Variants in NCAM2 observed in about 807,000 individuals in gnomAD.
NCAM2 encodes the protein N-CAM-2.
A neutral mutation model predicts 98.1 loss-of-function variants in NCAM2; 30 were observed. The observed-to-expected ratio is 0.31, with a 90% CI of 0.23 to 0.41. The LOEUF is 0.41. Ranked by LOEUF, NCAM2 falls within the 10% of genes least tolerant of loss-of-function variation. The pLI, the probability that NCAM2 is intolerant of heterozygous loss-of-function variation, is 1.00. For missense variants in NCAM2, 867 were observed against 1,005.8 expected (o/e 0.86, Z 1.87); for synonymous variants, 368 against 342.4 (o/e 1.07, Z -0.83).
At chr21:21,520,101 A>T (rs1185237882) in intron 16 of NCAM2, among the ~76,000 whole-genome samples, 5 of 152,114 alleles carry the variant, frequency 3.3e-5, no homozygotes, top group Non-Finnish European at 7.4e-5. Flanking sequence ...TAATCAAATT[A>T]TCTTTTTACT....
intron 1 of NCAM2, among the ~76,000 whole-genome samples, chr21:21,089,256 A>C (rs1680953817): frequency 6.6e-6 from 1 of 152,178 alleles, no homozygotes; most frequent in Non-Finnish European, 1.5e-5. Flanking sequence ...CTAGTAAATA[A>C]AACTGCCTTT....
intron 15 of NCAM2, among the ~76,000 whole-genome samples, chr21:21,483,109 C>T (rs918210928): frequency 4.6e-5 from 7 of 152,060 alleles, no homozygotes; most frequent in South Asian, 2.1e-4. Context: ...CTTTGAAAAA[C>T]ATTTTCACCA....
chr21:21,233,440 C>T (rs1344156614), intron 1 of NCAM2, among the ~76,000 whole-genome samples: 1 of 151,550 alleles, frequency 6.6e-6, no homozygotes, highest in Admixed American at 6.6e-5. Context: ...TGTTTCTTAA[C>T]TCCTTAGAAG....
At chr21:21,249,330 A>G (rs1045900939) in intron 1 of NCAM2, among the ~76,000 whole-genome samples, 5 of 152,254 alleles carry the variant, frequency 3.3e-5, no homozygotes, top group African/African-American at 1.2e-4. Context: ...ACTACATTGC[A>G]TACAATTCAG....
chr21:21,280,443 C>A, intron 1 of NCAM2, 135 bp from the exon 2 acceptor site: 3 of 585,940 alleles, frequency 5.1e-6, no homozygotes, highest in Non-Finnish European at 5.9e-6. Flanking sequence ...ACAAAACTTT[C>A]ATTTTTCTTT....
chr21:21,013,597 C>T (rs2064249288), intron 1 of NCAM2, among the ~76,000 whole-genome samples: 1 of 152,082 alleles, frequency 6.6e-6, no homozygotes, highest in South Asian at 2.1e-4. Context: ...GCCTGACCAA[C>T]ATGGTGAAAC....
At chr21:21,127,361 G>A (rs2066848349) in intron 1 of NCAM2, among the ~76,000 whole-genome samples, 1 of 151,920 alleles carries the variant, frequency 6.6e-6, no homozygotes, top group Non-Finnish European at 1.5e-5. Flanking sequence ...TACTTATGCA[G>A]TACATTGATA....
intron 12 of NCAM2, among the ~76,000 whole-genome samples, chr21:21,445,023 G>A (rs1979891988): frequency 6.6e-6 from 1 of 152,036 alleles, no homozygotes; most frequent in Admixed American, 6.6e-5. Flanking sequence ...AGAGATTCTG[G>A]TACTTCATCT....
intron 9 of NCAM2, among the ~76,000 whole-genome samples, chr21:21,395,933 C>A (rs2076495924): frequency 6.6e-6 from 1 of 152,038 alleles, no homozygotes; most frequent in South Asian, 2.1e-4. Flanking sequence ...TGGGAAAAAT[C>A]CTCTAGACAT....
chr21:21,533,610 T>C (rs542443504), intron 16 of NCAM2, among the ~76,000 whole-genome samples: 2 of 151,726 alleles, frequency 1.3e-5, no homozygotes, highest in Admixed American at 6.6e-5. Context: ...ATGAAGACTG[T>C]TGAATGAATA....
chr21:21,206,391 AT>A (rs1185315636), intron 1 of NCAM2, among the ~76,000 whole-genome samples: 1 of 152,172 alleles, frequency 6.6e-6, no homozygotes, highest in African/African-American at 2.4e-5. Flanking sequence ...GTATGGAAGA[AT>A]ATAAAAGTAG....
At chr21:21,408,037 G>T (rs2076778228) in intron 9 of NCAM2, among the ~76,000 whole-genome samples, 1 of 152,164 alleles carries the variant, frequency 6.6e-6, no homozygotes, top group Non-Finnish European at 1.5e-5. Flanking sequence ...AAAAAACACT[G>T]TGTAAGCCAT....
At chr21:21,451,241 C>T (rs542862702) in intron 12 of NCAM2, among the ~76,000 whole-genome samples, 3 of 152,146 alleles carry the variant, frequency 2.0e-5, no homozygotes, top group African/African-American at 7.2e-5. Flanking sequence ...TGTTTACACT[C>T]AAATAAAACT....
At chr21:21,512,885 G>T (rs1350244128) in intron 16 of NCAM2, among the ~76,000 whole-genome samples, 2 of 151,734 alleles carry the variant, frequency 1.3e-5, no homozygotes. Flanking sequence ...TTTTCAAATT[G>T]TTTCCTGTTG....
chr21:21,011,184 C>A (rs1389571157), intron 1 of NCAM2, among the ~76,000 whole-genome samples: 1 of 151,138 alleles, frequency 6.6e-6, no homozygotes, highest in Non-Finnish European at 1.5e-5. Context: ...ATAGGGATTA[C>A]ATCATTTTTA....
At chr21:21,236,982 C>A (rs2070857240) in intron 1 of NCAM2, among the ~76,000 whole-genome samples, 1 of 152,094 alleles carries the variant, frequency 6.6e-6, no homozygotes, top group Admixed American at 6.6e-5. Flanking sequence ...CAACATTTTT[C>A]TGTCTTTTTA....
intron 1 of NCAM2, among the ~76,000 whole-genome samples, chr21:21,239,081 TAC>T (rs1212017222): frequency 6.6e-6 from 1 of 152,172 alleles, no homozygotes; most frequent in Non-Finnish European, 1.5e-5. Context: ...TGTACAAAGA[TAC>T]ACAGAGCTCC....
At chr21:21,099,280 C>A (rs188954254) in intron 1 of NCAM2, among the ~76,000 whole-genome samples, 2 of 151,994 alleles carry the variant, frequency 1.3e-5, no homozygotes, top group African/African-American at 4.8e-5. Flanking sequence ...TTGGTGTCAC[C>A]TGGCTCAGGC....
intron 9 of NCAM2, among the ~76,000 whole-genome samples, chr21:21,392,844 ATTAGACCT>A (rs2076410251): frequency 1.3e-5 from 2 of 152,208 alleles, no homozygotes; most frequent in African/African-American, 4.8e-5. Context: ...GATGCTAGAT[ATTAGACCT>A]TTATCAAATG....
Sources: gnomAD v4.1 joint callset for allele counts (sites outside exome capture counted in the v4.1 genomes callset) on GRCh38, gnomAD v4.1.1 for gene constraint, MANE v1.5 for transcripts, NCBI Gene and HGNC (gene_info 2026-07-23, HGNC 2026-07-21) for gene names.